TUSC3: variants seen among roughly 807,000 people sequenced by gnomAD.
TUSC3 encodes the protein dolichyl-diphosphooligosaccharide--protein glycosyltransferase subunit TUSC3.
A neutral mutation model predicts 44.8 loss-of-function variants in TUSC3; 45 were observed. The ratio of observed to expected loss-of-function variants is 1.00; its 90% CI spans 0.79 to 1.29. The LOEUF (loss-of-function observed/expected upper bound fraction) is 1.29, where lower values mean the gene tolerates loss of function less well. Among genes scored for constraint, TUSC3 ranks in the 50% most tolerant of loss-of-function variants. The pLI is 0.00. For synonymous variants in TUSC3, 212 were observed against 152.9 expected (o/e 1.39, Z -2.85); for missense variants, 519 against 437.9 (o/e 1.19, Z -1.65).
intron 6 of TUSC3, among the ~76,000 whole-genome samples, chr8:15,729,309 T>C (rs571875085): frequency 6.6e-6 from 1 of 152,298 alleles, no homozygotes; most frequent in African/African-American, 2.4e-5. Context: ...AAGTTGTTAC[T>C]ATGTGGTGGA....
At chr8:15,561,208 G>C (rs1346190737) in intron 1 of TUSC3, among the ~76,000 whole-genome samples, 1 of 135,528 alleles carries the variant, frequency 7.4e-6, no homozygotes, top group East Asian at 2.4e-4. Context: ...CTGTTTGTTA[G>C]TTTTCCTTCT....
chr8:15,458,637 A>G (rs1320981233), intron 1 of TUSC3, among the ~76,000 whole-genome samples: 3 of 152,234 alleles, frequency 2.0e-5, no homozygotes, highest in Non-Finnish European at 4.4e-5. Flanking sequence ...AGATGAATCT[A>G]TAATCTGATT....
the TUSC3 span, among the ~76,000 whole-genome samples, chr8:15,828,547 G>T: frequency 6.6e-6 from 1 of 152,160 alleles, no homozygotes; most frequent in Non-Finnish European, 1.5e-5. Flanking sequence ...AAACAAATGG[G>T]AATTTTGGTT....
chr8:15,663,061 C>A (rs1807496222), intron 5 of TUSC3, among the ~76,000 whole-genome samples: 1 of 151,804 alleles, frequency 6.6e-6, no homozygotes, highest in Non-Finnish European at 1.5e-5. Context: ...CAGTTCCCAG[C>A]TCACAGCCAA....
At chr8:15,766,924 G>A (rs576153122), downstream of TUSC3, among the ~76,000 whole-genome samples, 1 of 152,040 alleles carries the variant, frequency 6.6e-6, no homozygotes, top group Non-Finnish European at 1.5e-5. Context: ...CACATTAGCT[G>A]GAGCATGTAG....
rs1467953700 is a variant in TUSC3 at position 15,709,531 on chromosome 8, C to A, written c.799-21135C>A. ...CATTATTCCCAGCCAGAATTTAGCT[C>A]CAGATGAAGCTCCCATTGAGCCATT... On this transcript the variant is annotated intron_variant, in intron 6 of 10. Coordinates refer to ENST00000503731, the MANE Select transcript of TUSC3 (RefSeq NM_006765.4). 2.0e-5 allele frequency among the ~76,000 whole-genome samples: 3 copies of A among 151,758 alleles called. No individual in the cohort carries two copies. In the East Asian group the frequency reaches 5.8e-4, roughly 29 times the overall value.
At chr8:15,756,329 A>C (rs955669954) in intron 9 of TUSC3, among the ~76,000 whole-genome samples, 1 of 152,124 alleles carries the variant, frequency 6.6e-6, no homozygotes, top group Non-Finnish European at 1.5e-5. Context: ...TGGTATGATA[A>C]AACCTACCTC....
chr8:15,467,445 GC>G (rs2129122562), intron 1 of TUSC3, among the ~76,000 whole-genome samples: 1 of 152,234 alleles, frequency 6.6e-6, no homozygotes, highest in Non-Finnish European at 1.5e-5. Flanking sequence ...TATACATACT[GC>G]CTTAGAGTAT....
chr8:15,727,681 G>C (rs1563192909), intron 6 of TUSC3, among the ~76,000 whole-genome samples: 1 of 152,120 alleles, frequency 6.6e-6, no homozygotes, highest in African/African-American at 2.4e-5. Context: ...CTTGTGAAAA[G>C]GAAATGAATT....
intron 2 of TUSC3, among the ~76,000 whole-genome samples, chr8:15,511,482 T>G (rs1563270444): frequency 6.6e-6 from 1 of 152,288 alleles, no homozygotes; most frequent in Non-Finnish European, 1.5e-5. Flanking sequence ...TTCTCTATAT[T>G]AGCAATGAAC....
the TUSC3 span, among the ~76,000 whole-genome samples, chr8:15,807,824 A>T: frequency 1.3e-5 from 2 of 152,156 alleles, no homozygotes; most frequent in Admixed American, 6.6e-5. Context: ...AGAACTCATG[A>T]ACATAAATAT....
rs565824167 is a variant in TUSC3 at position 15,715,377 on chromosome 8, G to A, written c.799-15289G>A. ...TGTCTCTCCTTTAAAATACCTTATT[G>A]TACTATACCCACTCTTCTTCTTCCT... is the stretch of plus-strand genomic sequence containing the variant. On this transcript the variant is annotated intron_variant, in intron 6 of 10. Transcript: ENST00000503731. Among the ~76,000 whole-genome samples, 3 of 152,156 alleles carry A rather than the reference G, an allele frequency of 2.0e-5. 1 individual carries two copies. Among genetic ancestry groups the A allele is most frequent in the Admixed American group, 2.0e-4 (3 of 15,258 alleles).
At chr8:15,743,018 A>G (rs1020269752) in intron 7 of TUSC3, among the ~76,000 whole-genome samples, 7 of 152,196 alleles carry the variant, frequency 4.6e-5, no homozygotes, top group Non-Finnish European at 7.3e-5. Context: ...TTGTTTTATT[A>G]TAATATGCTT....
chr8:15,494,659 G>A (rs1025155315), intron 2 of TUSC3, among the ~76,000 whole-genome samples: 1 of 152,104 alleles, frequency 6.6e-6, no homozygotes, highest in Non-Finnish European at 1.5e-5. Flanking sequence ...AACCACCTTT[G>A]CACGTCCTAT....
chr8:15,706,927 C>T (rs1171055020), intron 6 of TUSC3, among the ~76,000 whole-genome samples: 1 of 151,888 alleles, frequency 6.6e-6, no homozygotes, highest in African/African-American at 2.4e-5. Flanking sequence ...CCACCCAGAG[C>T]AACATAAAAA....
intron 6 of TUSC3, among the ~76,000 whole-genome samples, chr8:15,695,805 AG>A (rs1399762393): frequency 1.3e-5 from 2 of 152,234 alleles, no homozygotes; most frequent in African/African-American, 4.8e-5. Flanking sequence ...TAGCAGAGAC[AG>A]GTGGCATTTT....
chr8:15,489,199 C>T (rs1255396770), intron 2 of TUSC3, among the ~76,000 whole-genome samples: 1 of 152,142 alleles, frequency 6.6e-6, no homozygotes, highest in Non-Finnish European at 1.5e-5. Context: ...TACATTGGTT[C>T]AGTCGGGAAA....
chr8:15,529,507 T>G (rs1330945770), intron 2 of TUSC3, among the ~76,000 whole-genome samples: 1 of 152,170 alleles, frequency 6.6e-6, no homozygotes, highest in Non-Finnish European at 1.5e-5. Flanking sequence ...ATGAAATGTA[T>G]CGTAATATAC....
chr8:15,788,138 A>C, the TUSC3 span, among the ~76,000 whole-genome samples: 5 of 152,302 alleles, frequency 3.3e-5, no homozygotes, highest in East Asian at 5.8e-4. Context: ...AAAACCAGAC[A>C]AGAATATATG....
Sources: allele counts gnomAD v4.1 joint callset (sites outside exome capture counted in the v4.1 genomes callset), GRCh38; gene constraint gnomAD v4.1.1; transcripts MANE v1.5; gene names NCBI Gene and HGNC (gene_info 2026-07-23, HGNC 2026-07-21).